The following LRRC1 variants were observed in gnomAD, a reference collection of about 807,000 sequenced individuals.
LRRC1 encodes the protein leucine-rich repeat-containing protein 1.
In LRRC1, 28 loss-of-function variants were observed where a neutral mutation model predicts 69.9. That is an observed-to-expected ratio of 0.40 (90% CI 0.30 to 0.55). The LOEUF is 0.55. Ranked by LOEUF, LRRC1 falls within the 20% of genes least tolerant of loss-of-function variation. LRRC1 has a pLI of 0.47. For missense variants in LRRC1, 498 were observed against 609.0 expected, an observed-to-expected ratio of 0.82 and a Z score of 1.92; for synonymous variants, 236 against 240.2, an observed-to-expected ratio of 0.98 and a Z score of 0.16.
At chr6:53,820,698 G>T (rs1765090776) in intron 1 of LRRC1, among the ~76,000 whole-genome samples, 1 of 151,904 alleles carries the variant, frequency 6.6e-6, no homozygotes, top group South Asian at 2.1e-4. Context: ...TTGTATTTAA[G>T]GACATGGGAA....
intron 2 of LRRC1, among the ~76,000 whole-genome samples, chr6:53,854,739 G>T (rs950373575): frequency 6.6e-6 from 1 of 152,054 alleles, no homozygotes; most frequent in Non-Finnish European, 1.5e-5. Flanking sequence ...TAACATTTTT[G>T]TACATTTTAT....
chr6:53,817,537 A>G (rs1157415814), intron 1 of LRRC1, among the ~76,000 whole-genome samples: 2 of 152,176 alleles, frequency 1.3e-5, no homozygotes, highest in African/African-American at 4.8e-5. Flanking sequence ...TAAAAAAATC[A>G]AACTTATTTC....
At chr6:53,886,176 G>A (rs1767470933) in intron 4 of LRRC1, among the ~76,000 whole-genome samples, 1 of 152,008 alleles carries the variant, frequency 6.6e-6, no homozygotes, top group African/African-American at 2.4e-5. Context: ...TCATCCATAG[G>A]TTCTTGAAAA....
chr6:53,916,943 G>A (rs1768584105), intron 11 of LRRC1, among the ~76,000 whole-genome samples: 1 of 152,178 alleles, frequency 6.6e-6, no homozygotes, highest in African/African-American at 2.4e-5. Context: ...TACCATTGGT[G>A]TGAATAGTAA....
intron 4 of LRRC1, among the ~76,000 whole-genome samples, chr6:53,888,622 A>C (rs973555995): frequency 6.6e-6 from 1 of 152,240 alleles, no homozygotes; most frequent in Non-Finnish European, 1.5e-5. Flanking sequence ...TGGAGAAAGA[A>C]TAGTCTTTTT....
chr6:53,855,671 C>T (rs1766287276), intron 2 of LRRC1, among the ~76,000 whole-genome samples: 1 of 152,156 alleles, frequency 6.6e-6, no homozygotes, highest in Admixed American at 6.5e-5. Flanking sequence ...AGGACCTGTG[C>T]CCATTTGACA....
At chr6:53,837,479 T>C (rs1480695222) in intron 1 of LRRC1, among the ~76,000 whole-genome samples, 12 of 152,152 alleles carry the variant, frequency 7.9e-5, no homozygotes, top group Admixed American at 7.9e-4. Flanking sequence ...ATGTATGTGA[T>C]AGGTTAGAAT....
intron 1 of LRRC1, among the ~76,000 whole-genome samples, chr6:53,836,730 G>A (rs1050338655): frequency 2.0e-5 from 3 of 152,152 alleles, no homozygotes; most frequent in Non-Finnish European, 4.4e-5. Flanking sequence ...GTGAACATCT[G>A]TCACTGCCAT....
chr6:53,857,294 A>C (rs1301132727), intron 2 of LRRC1, among the ~76,000 whole-genome samples: 1 of 152,174 alleles, frequency 6.6e-6, no homozygotes, highest in African/African-American at 2.4e-5. Context: ...GGCCCTTGTA[A>C]GATTCTGAGA....
chr6:53,878,915 T>G, intron 2 of LRRC1, 78 bp from the exon 3 acceptor site: 1 of 778,492 alleles, frequency 1.3e-6, no homozygotes, highest in Non-Finnish European at 2.2e-6. Flanking sequence ...TATTCTCTTG[T>G]GAGTGTGATC....
At chr6:53,878,612 G>A (rs1034357477) in intron 2 of LRRC1, among the ~76,000 whole-genome samples, 1 of 152,144 alleles carries the variant, frequency 6.6e-6, no homozygotes, top group Non-Finnish European at 1.5e-5. Context: ...CAAGTGATGG[G>A]GAGTGGCTGT....
At chr6:53,887,018 G>A (rs1767508353) in intron 4 of LRRC1, among the ~76,000 whole-genome samples, 1 of 152,180 alleles carries the variant, frequency 6.6e-6, no homozygotes, top group African/African-American at 2.4e-5. Context: ...AAGGTACAGA[G>A]TATTGCCTCC....
chr6:53,796,735 G>A (rs531202594), intron 1 of LRRC1, among the ~76,000 whole-genome samples: 5 of 152,194 alleles, frequency 3.3e-5, no homozygotes, highest in East Asian at 1.9e-4. Flanking sequence ...TAGGACCTTT[G>A]CAAAGCCCCC....
In LRRC1 at chr6:53,923,583, A is replaced by G. The variant is rs941272151; in HGVS notation, c.*790A>G. 9 of 152,662 alleles carry G rather than the reference A, an allele frequency of 5.9e-5. No individual in the cohort carries two copies. The highest frequency in any genetic ancestry group is 1.9e-4 in the African/African-American group (8 of 41,472). The allele number at this position is 152,662 out of a possible 1,614,324, so 9.5% of individuals were successfully genotyped here. On this transcript the variant is annotated 3_prime_UTR_variant, in exon 14 of 14. Transcript: ENST00000370888. ...ATATCAGTTGATTTTTTTTGAAAAG[A>G]TGAACCAAAGGATTTGACTGCTAAT...
At chr6:53,820,925 A>T (rs968965580) in intron 1 of LRRC1, among the ~76,000 whole-genome samples, 1 of 152,202 alleles carries the variant, frequency 6.6e-6, no homozygotes, top group Non-Finnish European at 1.5e-5. Context: ...ACTATGGGCT[A>T]CTACTGTAGT....
intron 2 of LRRC1, among the ~76,000 whole-genome samples, chr6:53,865,471 C>T (rs1318380107): frequency 1.3e-5 from 2 of 152,172 alleles, no homozygotes; most frequent in Non-Finnish European, 2.9e-5. Context: ...TTGATATCTA[C>T]ATGCAATTGC....
At chr6:53,801,915 T>TAA (rs1429884753) in intron 1 of LRRC1, among the ~76,000 whole-genome samples, 1 of 152,228 alleles carries the variant, frequency 6.6e-6, no homozygotes, top group Non-Finnish European at 1.5e-5. Flanking sequence ...ATAATTTCTC[T>TAA]AAAATGGAAT....
intron 1 of LRRC1, among the ~76,000 whole-genome samples, chr6:53,804,093 G>A (rs1481246698): frequency 3.3e-5 from 5 of 152,180 alleles, no homozygotes; most frequent in Non-Finnish European, 5.9e-5. Context: ...TAGTGCAAAT[G>A]ACCTTGGCTA....
At chr6:53,824,733 G>C (rs1487724195) in intron 1 of LRRC1, among the ~76,000 whole-genome samples, 1 of 152,198 alleles carries the variant, frequency 6.6e-6, no homozygotes, top group Non-Finnish European at 1.5e-5. Context: ...TGTTATCTAA[G>C]AACCTTGGTA....
Sources: gnomAD v4.1 joint callset for allele counts (sites outside exome capture counted in the v4.1 genomes callset) on GRCh38, gnomAD v4.1.1 for gene constraint, MANE v1.5 for transcripts, NCBI Gene and HGNC (gene_info 2026-07-23, HGNC 2026-07-21) for gene names.